Variants in SPRED2 observed in about 807,000 individuals in gnomAD.
The protein encoded by SPRED2 is sprouty related EVH1 domain containing 2, also known as sprouty-related, EVH1 domain-containing protein 2.
Under a neutral mutation model 43.0 loss-of-function variants are expected in SPRED2, and 47 were observed. That is an observed-to-expected ratio of 1.09 (90% CI 0.87 to 1.40). The LOEUF is 1.40. Ranked by LOEUF, SPRED2 falls within the 40% of genes most tolerant of loss-of-function variation. The pLI is 0.00. For synonymous variants in SPRED2, 225 were observed against 225.7 expected (o/e 1.00, Z 0.03); for missense variants, 561 against 586.4 (o/e 0.96, Z 0.45).
chr2:65,312,208 C>A lies in SPRED2; in HGVS notation c.*1293G>T. 2.0e-6 allele frequency: 2 copies of A among 985,760 alleles called. No homozygotes were observed. Among genetic ancestry groups the A allele is most frequent in the Non-Finnish European group, 2.4e-6 (2 of 829,944 alleles). The allele number at this position is 985,760 out of a possible 1,614,324, so 61.1% of individuals were successfully genotyped here. A position where few individuals can be genotyped will look rare whatever the true frequency, so the allele number is the denominator to read the frequency against. The stretch of plus-strand genomic sequence containing the variant: ...AGGCAGAACCAGTTGGCTGACCTAA[C>A]CACCTGTGCACCCAAAGTGGCGAGT... On this transcript the variant is annotated 3_prime_UTR_variant, in exon 6 of 6. Transcript: ENST00000356388.
rs1673085651 is a variant in SPRED2, at chr2:65,312,055, T to C, written c.*1446A>G. The C allele has an allele frequency of 1.0e-6, 1 of 985,324 alleles. No homozygotes were observed. Among genetic ancestry groups the C allele is most frequent in the Admixed American group, 6.1e-5 (1 of 16,270 alleles). The allele number at this position is 985,324 out of a possible 1,614,324, so 61.0% of individuals were successfully genotyped here. A position where few individuals can be genotyped will look rare whatever the true frequency, so the allele number is the denominator to read the frequency against. On this transcript the variant is annotated 3_prime_UTR_variant, in exon 6 of 6. Coordinates refer to ENST00000356388, the MANE Select transcript of SPRED2 (RefSeq NM_181784.3). ...TCTCCACGAGGTTCTGATTGTACTA[T>C]GCTAGGTATAGGTAACCACTCTTCA...
intron 1 of SPRED2, among the ~76,000 whole-genome samples, chr2:65,420,073 G>C (rs1676385267): frequency 6.6e-6 from 1 of 152,034 alleles, no homozygotes; most frequent in African/African-American, 2.4e-5. Flanking sequence ...AGCTGGGCGT[G>C]GTGGCGCTTG....
chr2:65,349,011 G>C (rs969857667), intron 1 of SPRED2, among the ~76,000 whole-genome samples: 4 of 151,460 alleles, frequency 2.6e-5, no homozygotes, highest in Non-Finnish European at 5.9e-5. Flanking sequence ...TATTCCCTTA[G>C]ATTAAGAACC....
chr2:65,337,094 C>G (rs1470679771), intron 2 of SPRED2, among the ~76,000 whole-genome samples: 2 of 151,774 alleles, frequency 1.3e-5, no homozygotes, highest in Non-Finnish European at 2.9e-5. Context: ...GGCGAAAGAG[C>G]AAGACTCTGT....
chr2:65,396,598 C>G (rs753395521), intron 1 of SPRED2, among the ~76,000 whole-genome samples: 1 of 152,204 alleles, frequency 6.6e-6, no homozygotes. Context: ...GGAACCAGCA[C>G]TGTAGTATAA....
intron 4 of SPRED2, among the ~76,000 whole-genome samples, chr2:65,326,312 T>C (rs997396010): frequency 3.9e-5 from 6 of 152,194 alleles, no homozygotes; most frequent in Non-Finnish European, 7.3e-5. Flanking sequence ...TTGCAAGATT[T>C]TCCCCGCAAT....
chr2:65,338,144 C>G (rs1674023074), intron 2 of SPRED2, among the ~76,000 whole-genome samples: 1 of 146,692 alleles, frequency 6.8e-6, no homozygotes, highest in African/African-American at 2.6e-5. Context: ...GAAAGAGTCC[C>G]TCTCCCTCTC....
At chr2:65,398,910 T>C (rs1356262068) in intron 1 of SPRED2, among the ~76,000 whole-genome samples, 1 of 152,166 alleles carries the variant, frequency 6.6e-6, no homozygotes, top group Non-Finnish European at 1.5e-5. Flanking sequence ...CACATTCATG[T>C]TTATAGAAGC....
chr2:65,394,693 A>G (rs1212685444), intron 1 of SPRED2, among the ~76,000 whole-genome samples: 1 of 152,254 alleles, frequency 6.6e-6, no homozygotes, highest in Non-Finnish European at 1.5e-5. Flanking sequence ...TACGGTACGA[A>G]GATTGCTAGG....
chr2:65,375,463 C>T (rs1675218627), intron 1 of SPRED2, among the ~76,000 whole-genome samples: 2 of 152,174 alleles, frequency 1.3e-5, no homozygotes, highest in Non-Finnish European at 2.9e-5. Context: ...ACGTAGTCCT[C>T]ATTCAAGGAA....
intron 1 of SPRED2, among the ~76,000 whole-genome samples, chr2:65,357,326 A>T (rs2104303240): frequency 6.6e-6 from 1 of 152,314 alleles, no homozygotes; most frequent in Non-Finnish European, 1.5e-5. Flanking sequence ...GGAGAGTGGT[A>T]TAGAGGTCAG....
rs192481216 is a variant in SPRED2, at chr2:65,311,889, C to T, written c.*1612G>A. 139 of 985,424 alleles carry T rather than the reference C, an allele frequency of 1.4e-4. No homozygotes were observed. In the Middle Eastern group the frequency reaches 3.1e-3, roughly 22 times the overall value. The allele number at this position is 985,424 out of a possible 1,614,324, so 61.0% of individuals were successfully genotyped here. ...TGGCAGACTGGAAAAAAGTCCCTTT[C>T]CTTGAAGACTGGTGTCCTGTGTGCA... On this transcript the variant is annotated 3_prime_UTR_variant, in exon 6 of 6. Coordinates refer to ENST00000356388, the MANE Select transcript of SPRED2 (RefSeq NM_181784.3).
At chr2:65,339,123 G>A (rs1338775426) in intron 2 of SPRED2, among the ~76,000 whole-genome samples, 3 of 132,696 alleles carry the variant, frequency 2.3e-5, no homozygotes, top group African/African-American at 6.1e-5. Context: ...GCCCCCTCCC[G>A]GCCAGCCGCC....
chr2:65,344,521 CAA>C (rs1200501906), intron 2 of SPRED2, 196 bp downstream of exon 2: 2 of 736,572 alleles, frequency 2.7e-6, no homozygotes. Context: ...AGCGTGTGGT[CAA>C]AAGAGACTTT....
chr2:65,378,749 T>C (rs1358014006), intron 1 of SPRED2, among the ~76,000 whole-genome samples: 1 of 152,230 alleles, frequency 6.6e-6, no homozygotes, highest in Non-Finnish European at 1.5e-5. Flanking sequence ...GGTTCTCAAA[T>C]GTGGCTGCAC....
intron 1 of SPRED2, among the ~76,000 whole-genome samples, chr2:65,430,652 A>G (rs955127724): frequency 4.6e-5 from 7 of 152,204 alleles, no homozygotes; most frequent in Non-Finnish European, 1.0e-4. Flanking sequence ...CGCCTTCCGA[A>G]GCCCACACTC....
At chr2:65,387,756 A>T (rs1675534075) in intron 1 of SPRED2, among the ~76,000 whole-genome samples, 1 of 152,092 alleles carries the variant, frequency 6.6e-6, no homozygotes, top group Non-Finnish European at 1.5e-5. Context: ...TATGAAAGGA[A>T]ATGTATACAC....
At chr2:65,366,812 C>T in intron 1 of SPRED2, 3 of 1,269,192 alleles carry the variant, frequency 2.4e-6, no homozygotes, top group Non-Finnish European at 3.0e-6. Flanking sequence ...ATTTTATAGG[C>T]CTGTTGTGTC....
chr2:65,343,917 T>A (rs1017954808), intron 2 of SPRED2, among the ~76,000 whole-genome samples: 8 of 151,850 alleles, frequency 5.3e-5, no homozygotes, highest in African/African-American at 1.9e-4. Context: ...GAGGCCGAGG[T>A]GGGTGGATCA....
Sources: allele counts gnomAD v4.1 joint callset (sites outside exome capture counted in the v4.1 genomes callset), GRCh38; gene constraint gnomAD v4.1.1; transcripts MANE v1.5; gene names NCBI Gene and HGNC (gene_info 2026-07-23, HGNC 2026-07-21).